The following GPC6 variants were observed in gnomAD, a reference collection of about 807,000 sequenced individuals.
GPC6 encodes the protein glypican 6, also known as glypican-6.
A neutral mutation model predicts 55.2 loss-of-function variants in GPC6; 14 were observed. The ratio of observed to expected loss-of-function variants is 0.25; its 90% CI spans 0.17 to 0.40. GPC6 has a LOEUF of 0.40. GPC6 is among the 10% of genes least tolerant of loss of function. The pLI, the probability that GPC6 is intolerant of heterozygous loss-of-function variation, is 1.00. For synonymous variants in GPC6, 278 were observed against 259.6 expected (o/e 1.07, Z -0.68); for missense variants, 641 against 708.5 (o/e 0.90, Z 1.08).
At chr13:94,058,981 G>GTGTTTT (rs1303767617) in intron 4 of GPC6, among the ~76,000 whole-genome samples, 128 of 152,226 alleles carry the variant, frequency 8.4e-4, no homozygotes, top group Middle Eastern at 3.4e-3. Context: ...AGAATTTTAA[G>GTGTTTT]CACAAGGGTT....
intron 1 of GPC6, among the ~76,000 whole-genome samples, chr13:93,266,475 G>GC (rs1380491721): frequency 1.3e-5 from 2 of 152,140 alleles, no homozygotes; most frequent in African/African-American, 4.8e-5. Context: ...GTAGAAGGAG[G>GC]TTGAGTTCGT....
chr13:93,576,071 A>G (rs1046678062), intron 2 of GPC6, among the ~76,000 whole-genome samples: 1 of 152,130 alleles, frequency 6.6e-6, no homozygotes, highest in African/African-American at 2.4e-5. Context: ...TTGCTTGTAT[A>G]TGCTTCTTTC....
intron 2 of GPC6, among the ~76,000 whole-genome samples, chr13:93,589,339 A>G (rs1194964947): frequency 1.3e-5 from 2 of 152,134 alleles, no homozygotes; most frequent in Non-Finnish European, 2.9e-5. Context: ...TAAACCCACT[A>G]CCTAAATTTA....
At chr13:93,972,749 A>G (rs1880338320) in intron 3 of GPC6, among the ~76,000 whole-genome samples, 2 of 152,170 alleles carry the variant, frequency 1.3e-5, no homozygotes, top group Admixed American at 1.3e-4. Flanking sequence ...CCAAGAAAGG[A>G]TAATAGGCCC....
intron 3 of GPC6, among the ~76,000 whole-genome samples, chr13:93,972,209 C>T (rs1261750445): frequency 6.6e-6 from 1 of 152,184 alleles, no homozygotes; most frequent in African/African-American, 2.4e-5. Context: ...GATTTGTTTG[C>T]TATCCGCTAT....
intron 1 of GPC6, among the ~76,000 whole-genome samples, chr13:93,248,049 A>C (rs1455937377): frequency 6.6e-6 from 1 of 152,240 alleles, no homozygotes; most frequent in African/African-American, 2.4e-5. Flanking sequence ...ATGAGATAAT[A>C]TTACAAGAAG....
chr13:93,553,972 T>TAAA (rs35301097), intron 2 of GPC6, among the ~76,000 whole-genome samples: 7,160 of 133,968 alleles, frequency 0.053, 617 homozygotes, highest in African/African-American at 0.19. Context: ...CCGTCTCTAC[T>TAAA]AAAAAAAAAA....
chr13:93,857,127 C>T (rs567052243), intron 3 of GPC6, among the ~76,000 whole-genome samples: 1 of 151,572 alleles, frequency 6.6e-6, no homozygotes, highest in Non-Finnish European at 1.5e-5. Flanking sequence ...CCATTGGTCA[C>T]TATTAGAAGG....
rs538320825 is a variant in GPC6 at position 93,825,402 on chromosome 13, G to A, written c.320-4752G>A. Among the ~76,000 whole-genome samples, 3 of 152,284 alleles carry A rather than the reference G, an allele frequency of 2.0e-5. No individual in the cohort carries two copies. The South Asian group carries it at 6.2e-4, about 32-fold the overall frequency. Reference sequence around the variant, plus strand: ...GACTAGGGTCATCTACTGCTCAATAGCACACAAGCTGCAGCTTGCAAAGGA... The same window carrying A: ...GACTAGGGTCATCTACTGCTCAATAACACACAAGCTGCAGCTTGCAAAGGA... On this transcript the variant is annotated intron_variant, in intron 2 of 8. Coordinates refer to ENST00000377047, the MANE Select transcript of GPC6 (RefSeq NM_005708.5).
chr13:93,280,177 G>A (rs1028921073), intron 1 of GPC6, among the ~76,000 whole-genome samples: 5 of 152,098 alleles, frequency 3.3e-5, no homozygotes, highest in Non-Finnish European at 7.4e-5. Context: ...TGTGGGGGGG[G>A]CCAGACCAAA....
intron 4 of GPC6, among the ~76,000 whole-genome samples, chr13:94,184,249 A>G (rs931893181): frequency 3.3e-5 from 5 of 152,146 alleles, no homozygotes; most frequent in Admixed American, 1.3e-4. Context: ...TCCCAAAGCA[A>G]TTGCAACAGA....
chr13:93,814,989 A>G (rs1458160903), intron 2 of GPC6, among the ~76,000 whole-genome samples: 2 of 152,170 alleles, frequency 1.3e-5, no homozygotes, highest in African/African-American at 4.8e-5. Context: ...AACAAAACCA[A>G]AAAACAAAAG....
At chr13:94,299,724 G>T (rs1208233074) in intron 5 of GPC6, among the ~76,000 whole-genome samples, 4 of 152,158 alleles carry the variant, frequency 2.6e-5, no homozygotes, top group African/African-American at 9.7e-5. Context: ...ATAAATTTCT[G>T]TTGTTTATAA....
intron 2 of GPC6, among the ~76,000 whole-genome samples, chr13:93,589,942 ATTC>A (rs2139505179): frequency 6.6e-6 from 1 of 152,306 alleles, no homozygotes; most frequent in South Asian, 2.1e-4. Flanking sequence ...CATTTGCAGT[ATTC>A]TTCTGTGAAA....
At chr13:94,315,921 G>A (rs1009592223) in intron 6 of GPC6, among the ~76,000 whole-genome samples, 2 of 151,974 alleles carry the variant, frequency 1.3e-5, no homozygotes, top group Non-Finnish European at 2.9e-5. Flanking sequence ...ACACAAATTC[G>A]TAAACATCCT....
Position 94,395,125 on chromosome 13 carries a change from C to G in GPC6, c.1290-3341C>G, listed in dbSNP as rs79752594. The stretch of plus-strand genomic sequence containing the variant: ...TGGGCTGCACCTGCTATTGTTTATT[C>G]CAATAGGCTGTAATAATTAGGTAGA... On this transcript the variant is annotated intron_variant, in intron 7 of 8. Transcript: ENST00000377047. Among the ~76,000 whole-genome samples, 19 of 152,292 alleles carry G rather than the reference C, an allele frequency of 1.2e-4. No individual in the cohort carries two copies. The East Asian group carries it at 3.7e-3, about 29-fold the overall frequency.
upstream of GPC6, among the ~76,000 whole-genome samples, chr13:93,226,303 G>T (rs1305209755): frequency 6.6e-6 from 1 of 152,018 alleles, no homozygotes; most frequent in East Asian, 1.9e-4. Flanking sequence ...ATTTCTGATC[G>T]AAGGCTATGA....
Position 93,392,208 on chromosome 13 carries a change from C to T in GPC6, c.161-153055C>T, listed in dbSNP as rs9561338. ...ACACTGCTATTCAATAACTGAGGGGCGTATTCTTAGCAATTTTCATTGTAC... is the reference window on the plus strand; with the variant it reads ...ACACTGCTATTCAATAACTGAGGGGTGTATTCTTAGCAATTTTCATTGTAC... On this transcript the variant is annotated intron_variant, in intron 1 of 8. Coordinates refer to ENST00000377047, the MANE Select transcript of GPC6 (RefSeq NM_005708.5). Among the ~76,000 whole-genome samples the T allele has an allele frequency of 0.016, 2,440 of 152,198 alleles. 242 individuals are homozygous for T. In the East Asian group the frequency reaches 0.29, roughly 18 times the overall value.
intron 3 of GPC6, among the ~76,000 whole-genome samples, chr13:93,973,744 T>G (rs1307129730): frequency 6.6e-6 from 1 of 152,180 alleles, no homozygotes; most frequent in Non-Finnish European, 1.5e-5. Flanking sequence ...ACTGAGAACA[T>G]AAAAGATCAA....
Sources: gnomAD v4.1 joint callset for allele counts (sites outside exome capture counted in the v4.1 genomes callset) on GRCh38, gnomAD v4.1.1 for gene constraint, MANE v1.5 for transcripts, NCBI Gene and HGNC (gene_info 2026-07-23, HGNC 2026-07-21) for gene names.